Variants in C4orf36 observed in about 807,000 individuals in gnomAD.
The protein encoded by C4orf36 is chromosome 4 open reading frame 36, also known as uncharacterized protein C4orf36.
A neutral mutation model predicts 12.2 loss-of-function variants in C4orf36; 11 were observed. The observed-to-expected ratio is 0.90, with a 90% CI of 0.57 to 1.49. The LOEUF is 1.49. Among genes scored for constraint, C4orf36 ranks in the 40% most tolerant of loss-of-function variants. The pLI, the probability that C4orf36 is intolerant of heterozygous loss-of-function variation, is 0.00. For missense variants in C4orf36, 137 were observed against 133.9 expected (o/e 1.02, Z -0.11); for synonymous variants, 54 against 51.3 (o/e 1.05, Z -0.22).
the C4orf36 span, among the ~76,000 whole-genome samples, chr4:86,899,910 T>C: frequency 6.6e-6 from 1 of 152,164 alleles, no homozygotes; most frequent in Non-Finnish European, 1.5e-5. Context: ...TTTTGCAAAG[T>C]GTGAGTCTTT....
At chr4:86,876,722 T>A in intron 4 of C4orf36, 1 of 1,559,972 alleles carries the variant, frequency 6.4e-7, no homozygotes, top group Non-Finnish European at 8.7e-7. Context: ...ATTCAGAATT[T>A]AGGAAAGTTC....
intron 4 of C4orf36, among the ~76,000 whole-genome samples, chr4:86,879,851 CTT>C (rs34363324): frequency 0.42 from 57,957 of 137,432 alleles, 12,077 homozygotes; most frequent in Non-Finnish European, 0.48. Flanking sequence ...TGTTTTGTTT[CTT>C]TTTTTTTTTT....
the C4orf36 span, among the ~76,000 whole-genome samples, chr4:86,934,272 T>C: frequency 6.6e-6 from 1 of 152,222 alleles, no homozygotes; most frequent in Non-Finnish European, 1.5e-5. Context: ...AGACAGCCTG[T>C]TGCTTTCCTT....
At chr4:86,919,803 G>T in the C4orf36 span, among the ~76,000 whole-genome samples, 2 of 152,148 alleles carry the variant, frequency 1.3e-5, no homozygotes, top group Admixed American at 1.3e-4. Context: ...AGGAAGCCAA[G>T]GCAGGGAGTT....
At chr4:86,915,164 C>T in the C4orf36 span, among the ~76,000 whole-genome samples, 1 of 152,108 alleles carries the variant, frequency 6.6e-6, no homozygotes, top group Non-Finnish European at 1.5e-5. Context: ...CCTCCCATGC[C>T]ATTTGTGCTC....
chr4:86,899,938 C>A, the C4orf36 span, among the ~76,000 whole-genome samples: 1 of 152,032 alleles, frequency 6.6e-6, no homozygotes, highest in Non-Finnish European at 1.5e-5. Context: ...GACTTGAAAC[C>A]CCACAAGCAG....
intron 4 of C4orf36, chr4:86,886,771 C>G (rs186363543): frequency 6.6e-4 from 100 of 152,052 alleles, no homozygotes; most frequent in African/African-American, 2.3e-3. Context: ...AGGTATATAC[C>G]CAAAGGAATA....
the C4orf36 span, chr4:86,913,597 A>G: frequency 7.3e-7 from 1 of 1,372,572 alleles, no homozygotes; most frequent in East Asian, 2.3e-5. Context: ...TCTCTGAGAC[A>G]AATGAAACAC....
the C4orf36 span, chr4:86,913,541 G>A: frequency 2.2e-5 from 22 of 980,242 alleles, no homozygotes; most frequent in South Asian, 7.0e-5. Context: ...CTCGGTCATC[G>A]AAAAGAGCGT....
chr4:86,888,005 G>T, intron 3 of C4orf36, 112 bp from the exon 4 acceptor site: 1 of 1,541,820 alleles, frequency 6.5e-7, no homozygotes, highest in South Asian at 1.2e-5. Flanking sequence ...TAAACAAGAT[G>T]ACAGAGCTAC....
chr4:86,927,244 A>T, the C4orf36 span, among the ~76,000 whole-genome samples: 1 of 152,238 alleles, frequency 6.6e-6, no homozygotes, highest in Non-Finnish European at 1.5e-5. Flanking sequence ...GAGGCCGGGC[A>T]TGGTGACTCA....
chr4:86,896,901 T>C (rs1747603400), upstream of C4orf36, among the ~76,000 whole-genome samples: 1 of 152,210 alleles, frequency 6.6e-6, no homozygotes, highest in Non-Finnish European at 1.5e-5. Context: ...GAGTCTCCTA[T>C]GAGCCAGGCT....
At chr4:86,892,655 T>G (rs1397075325), upstream of C4orf36, among the ~76,000 whole-genome samples, 2 of 152,222 alleles carry the variant, frequency 1.3e-5, no homozygotes, top group Non-Finnish European at 2.9e-5. Flanking sequence ...CCAAGCGATC[T>G]GGACTTCGTT....
At chr4:86,907,433 C>G in the C4orf36 span, among the ~76,000 whole-genome samples, 1 of 152,168 alleles carries the variant, frequency 6.6e-6, no homozygotes, top group Non-Finnish European at 1.5e-5. Flanking sequence ...ATGAAATAAT[C>G]TGTGTACCAA....
At chr4:86,919,678 T>C in the C4orf36 span, among the ~76,000 whole-genome samples, 2 of 152,136 alleles carry the variant, frequency 1.3e-5, no homozygotes, top group African/African-American at 2.4e-5. Flanking sequence ...TTATTTCCTC[T>C]TATATCTTAC....
At chr4:86,884,190 A>G (rs748445720) in intron 4 of C4orf36, among the ~76,000 whole-genome samples, 1 of 152,092 alleles carries the variant, frequency 6.6e-6, no homozygotes. Context: ...TTTCCTCATA[A>G]GACCTTCTGT....
At chr4:86,917,815 C>T in the C4orf36 span, among the ~76,000 whole-genome samples, 1 of 152,222 alleles carries the variant, frequency 6.6e-6, no homozygotes, top group Non-Finnish European at 1.5e-5. Flanking sequence ...ACCTACTCCT[C>T]CTAGGCTACA....
intron 4 of C4orf36, among the ~76,000 whole-genome samples, chr4:86,882,188 G>C (rs1747067665): frequency 6.6e-6 from 1 of 152,188 alleles, no homozygotes; most frequent in Non-Finnish European, 1.5e-5. Context: ...TCATGATTAA[G>C]AGAATCTTAA....
the C4orf36 span, among the ~76,000 whole-genome samples, chr4:86,917,541 AAAAGT>A: frequency 8.9e-5 from 12 of 135,078 alleles, no homozygotes; most frequent in African/African-American, 3.0e-4. Context: ...AAAGAGAAAG[AAAAGT>A]AAGGAAGGAA....
Sources: allele counts gnomAD v4.1 joint callset (sites outside exome capture counted in the v4.1 genomes callset), GRCh38; gene constraint gnomAD v4.1.1; transcripts MANE v1.5; gene names NCBI Gene and HGNC (gene_info 2026-07-23, HGNC 2026-07-21).